The following CNBD2 variants were observed in gnomAD, a reference collection of about 807,000 sequenced individuals.
CNBD2 encodes the protein cyclic nucleotide-binding domain-containing protein 2.
A neutral mutation model predicts 63.7 loss-of-function variants in CNBD2; 64 were observed. The ratio of observed to expected loss-of-function variants is 1.00; its 90% CI spans 0.82 to 1.24. CNBD2 has a LOEUF of 1.24. Among genes scored for constraint, CNBD2 ranks in the 50% most tolerant of loss-of-function variants. The pLI, the probability that CNBD2 is intolerant of heterozygous loss-of-function variation, is 0.00. For synonymous variants in CNBD2, 229 were observed against 255.4 expected (o/e 0.90, Z 0.99); for missense variants, 691 against 713.5 (o/e 0.97, Z 0.36).
chr20:36,014,952 A>T (rs371424847), intron 10 of CNBD2, among the ~76,000 whole-genome samples: 1 of 152,030 alleles, frequency 6.6e-6, no homozygotes, highest in Non-Finnish European at 1.5e-5. Context: ...GTTTTTCATG[A>T]TGGCTGTACT....
intron 11 of CNBD2, among the ~76,000 whole-genome samples, chr20:36,026,789 C>G (rs1219027084): frequency 1.3e-5 from 2 of 152,172 alleles, no homozygotes; most frequent in African/African-American, 4.8e-5. Context: ...GATAAGTACC[C>G]CCTTTCTGCA....
At chr20:36,001,451 G>A (rs1240929274) in intron 8 of CNBD2, among the ~76,000 whole-genome samples, 3 of 150,926 alleles carry the variant, frequency 2.0e-5, no homozygotes, top group East Asian at 2.0e-4. Flanking sequence ...CCGGGCAGAG[G>A]CGCCCCTCAC....
intron 10 of CNBD2, among the ~76,000 whole-genome samples, chr20:36,018,557 G>A (rs1292837534): frequency 6.6e-6 from 1 of 152,190 alleles, no homozygotes; most frequent in Non-Finnish European, 1.5e-5. Flanking sequence ...AATGAGAGTG[G>A]TAACTGCTTG....
chr20:35,965,115 T>C (rs575144277), upstream of CNBD2, among the ~76,000 whole-genome samples: 1 of 152,302 alleles, frequency 6.6e-6, no homozygotes, highest in East Asian at 1.9e-4. Flanking sequence ...TTCATATGCT[T>C]TGTAAGCATT....
intron 3 of CNBD2, 119 bp downstream of exon 3, chr20:35,976,121 T>G: frequency 2.4e-6 from 2 of 849,308 alleles, no homozygotes; most frequent in Non-Finnish European, 3.9e-6. Flanking sequence ...CCAACTCAGC[T>G]TGTCACCCTG....
intron 4 of CNBD2, among the ~76,000 whole-genome samples, chr20:35,982,654 T>C (rs981038427): frequency 1.3e-5 from 2 of 152,162 alleles, no homozygotes; most frequent in African/African-American, 4.8e-5. Flanking sequence ...TCTTAAAGCA[T>C]TTTTAAACCT....
chr20:35,982,296 T>C (rs2056608429), intron 4 of CNBD2, among the ~76,000 whole-genome samples: 1 of 152,168 alleles, frequency 6.6e-6, no homozygotes. Flanking sequence ...AGACTTTTTT[T>C]TACCCATTGT....
intron 9 of CNBD2, among the ~76,000 whole-genome samples, chr20:36,010,243 G>A (rs1217508093): frequency 6.6e-6 from 1 of 152,076 alleles, no homozygotes; most frequent in African/African-American, 2.4e-5. Context: ...AATGGCACCA[G>A]TGTCACAATC....
At chr20:35,997,511 A>T (rs2056841923) in intron 8 of CNBD2, among the ~76,000 whole-genome samples, 1 of 152,284 alleles carries the variant, frequency 6.6e-6, no homozygotes, top group African/African-American at 2.4e-5. Context: ...ATAGGCTTGG[A>T]GTCCACTGCT....
chr20:36,024,858 C>T (rs951551040), intron 11 of CNBD2, among the ~76,000 whole-genome samples: 4 of 152,020 alleles, frequency 2.6e-5, no homozygotes, highest in African/African-American at 9.7e-5. Context: ...TCACTTGAAC[C>T]CAGGAGGTGA....
At position 35,984,624 on chromosome 20, in the gene CNBD2, C is replaced by T. The variant is rs2056642119; in HGVS notation, c.565-3C>T. The T allele has an allele frequency of 1.2e-6, 2 of 1,613,952 alleles. No homozygotes were observed. The highest frequency in any genetic ancestry group is 1.7e-6 in the Non-Finnish European group (2 of 1,179,926). On this transcript the variant is annotated splice_polypyrimidine_tract_variant and splice_region_variant and intron_variant, in intron 5 of 11. Transcript: ENST00000373973. Reference sequence around the variant, plus strand: ...ACTTGCCCTTGCCCTGTCCACCCAACAGGAAATGGACGTTCTGCATGCTTC... The same window carrying T: ...ACTTGCCCTTGCCCTGTCCACCCAATAGGAAATGGACGTTCTGCATGCTTC...
At chr20:35,975,850 C>A in intron 2 of CNBD2, 99 bp from the exon 3 acceptor site, 2 of 1,097,344 alleles carry the variant, frequency 1.8e-6, no homozygotes, top group Non-Finnish European at 2.7e-6. Context: ...TGGCTTCCTG[C>A]CCACCATGGT....
At chr20:36,004,337 G>A (rs1286887302) in intron 8 of CNBD2, among the ~76,000 whole-genome samples, 5 of 152,110 alleles carry the variant, frequency 3.3e-5, no homozygotes, top group Non-Finnish European at 7.4e-5. Context: ...TCTCTATGCA[G>A]CTCTCTTCTC....
intron 7 of CNBD2, among the ~76,000 whole-genome samples, chr20:35,990,183 C>A (rs1185651642): frequency 6.6e-6 from 1 of 152,152 alleles, no homozygotes; most frequent in Non-Finnish European, 1.5e-5. Flanking sequence ...ATGGAATCAG[C>A]AAACACCCTA....
At chr20:36,029,984 A>G (rs1013558092) in intron 11 of CNBD2, among the ~76,000 whole-genome samples, 1 of 152,220 alleles carries the variant, frequency 6.6e-6, no homozygotes, top group Non-Finnish European at 1.5e-5. Context: ...CGTAAACCGA[A>G]TCATGTAATA....
At chr20:36,028,579 G>A (rs183910941) in intron 11 of CNBD2, among the ~76,000 whole-genome samples, 251 of 152,150 alleles carry the variant, frequency 1.6e-3, no homozygotes, top group Non-Finnish European at 2.1e-3. Flanking sequence ...CCACAAGAAA[G>A]TCAGGAAATC....
intron 9 of CNBD2, among the ~76,000 whole-genome samples, chr20:36,010,766 A>G (rs986628927): frequency 7.4e-6 from 1 of 134,716 alleles, no homozygotes; most frequent in Non-Finnish European, 1.5e-5. Context: ...CGTCTCAAAG[A>G]AAAAAAAGAA....
At chr20:36,007,112 C>T (rs1276364110) in intron 8 of CNBD2, among the ~76,000 whole-genome samples, 1 of 152,046 alleles carries the variant, frequency 6.6e-6, no homozygotes, top group Non-Finnish European at 1.5e-5. Flanking sequence ...TGGCATGAAC[C>T]TGGGAGGTGG....
intron 10 of CNBD2, among the ~76,000 whole-genome samples, chr20:36,021,792 C>T (rs528392539): frequency 6.6e-6 from 1 of 152,322 alleles, no homozygotes; most frequent in South Asian, 2.1e-4. Context: ...TTGCACCCTT[C>T]ATCACGGAAG....
Sources: gnomAD v4.1 joint callset for allele counts (sites outside exome capture counted in the v4.1 genomes callset) on GRCh38, gnomAD v4.1.1 for gene constraint, MANE v1.5 for transcripts, NCBI Gene and HGNC (gene_info 2026-07-23, HGNC 2026-07-21) for gene names.